Variants in CACNA1C observed in about 807,000 individuals in gnomAD.
CACNA1C encodes the protein calcium voltage-gated channel subunit alpha1 C.
A neutral mutation model predicts 229.0 loss-of-function variants in CACNA1C; 30 were observed. The observed-to-expected ratio is 0.13, with a 90% confidence interval of 0.10 to 0.18. The LOEUF (loss-of-function observed/expected upper bound fraction) is 0.18, where lower values mean the gene tolerates loss of function less well. Ranked by LOEUF, CACNA1C falls within the 10% of genes least tolerant of loss-of-function variation. The pLI is 1.00. For missense variants in CACNA1C, 1,658 were observed against 2,845.0 expected (o/e 0.58, Z 9.49); for synonymous variants, 1,114 against 1,132.5 (o/e 0.98, Z 0.33).
In CACNA1C at chr12:2,463,687, G is replaced by A. The variant is rs566564651; in HGVS notation, c.757+5981G>A. Among the ~76,000 whole-genome samples the A allele has an allele frequency of 5.3e-5, 8 of 152,286 alleles. No individual in the cohort carries two copies. In the South Asian group the frequency reaches 1.7e-3, roughly 32 times the overall value. ...ACACAAAGGAAGGAGAGTGGCCGTG[G>A]CCCTGGAGATGCACACTGTGAGGCT... On this transcript the variant is annotated intron_variant, in intron 5 of 46. Coordinates refer to ENST00000399655, the MANE Select transcript of CACNA1C (RefSeq NM_000719.7).
At chr12:2,273,189 C>T (rs2085918306) in intron 3 of CACNA1C, among the ~76,000 whole-genome samples, 1 of 152,142 alleles carries the variant, frequency 6.6e-6, no homozygotes, top group Admixed American at 6.5e-5. Context: ...CTATGCACAT[C>T]CTCTTGTGTA....
intron 9 of CACNA1C, among the ~76,000 whole-genome samples, chr12:2,544,321 A>G (rs561959523): frequency 2.0e-5 from 3 of 152,354 alleles, no homozygotes; most frequent in Non-Finnish European, 4.4e-5. Context: ...TCCATTGACT[A>G]TAATCTGTGT....
At chr12:2,489,019 C>G (rs1450624571) in intron 6 of CACNA1C, among the ~76,000 whole-genome samples, 2 of 152,168 alleles carry the variant, frequency 1.3e-5, no homozygotes, top group African/African-American at 4.8e-5. Flanking sequence ...GAGTAGAAGA[C>G]CAAATACTTG....
intron 1 of CACNA1C, among the ~76,000 whole-genome samples, chr12:2,039,817 T>A (rs1352951852): frequency 6.6e-6 from 1 of 151,840 alleles, no homozygotes. Flanking sequence ...CATTGGGCCA[T>A]AGGGGTGAGC....
In CACNA1C at chr12:2,479,616, C is replaced by T. The variant is rs2099659225; in HGVS notation, c.758-6488C>T. 6.6e-6 allele frequency among the ~76,000 whole-genome samples: 1 copy of T among 152,220 alleles called. No homozygotes were observed. Among genetic ancestry groups the T allele is most frequent in the East Asian group, 1.9e-4 (1 of 5,202 alleles). On this transcript the variant is annotated intron_variant, in intron 5 of 46. Coordinates refer to ENST00000399655, the MANE Select transcript of CACNA1C (RefSeq NM_000719.7). The surrounding 1 kb of genome is among the most constrained non-coding windows in gnomAD (Gnocchi z 4.3). ...GATTAAGCAGTATGGCTTTCTCTTCCATTCTGCAAGGACAGCCAGTTCAAG... is the reference window on the plus strand; with the variant it reads ...GATTAAGCAGTATGGCTTTCTCTTCTATTCTGCAAGGACAGCCAGTTCAAG...
intron 1 of CACNA1C, among the ~76,000 whole-genome samples, chr12:2,077,610 G>A (rs1418768128): frequency 6.6e-6 from 1 of 152,170 alleles, no homozygotes; most frequent in Admixed American, 6.5e-5. Flanking sequence ...AATAGCTAAT[G>A]CCATGGCAGC....
chr12:2,193,718 C>G (rs1397788806), intron 3 of CACNA1C, among the ~76,000 whole-genome samples: 1 of 152,246 alleles, frequency 6.6e-6, no homozygotes, highest in Non-Finnish European at 1.5e-5. Flanking sequence ...CTTGACAGGT[C>G]TGTCTGGCCT....
At chr12:2,461,853 G>A (rs1001519371) in intron 5 of CACNA1C, among the ~76,000 whole-genome samples, 5 of 152,208 alleles carry the variant, frequency 3.3e-5, no homozygotes, top group Non-Finnish European at 5.9e-5. Flanking sequence ...CCTCGCCTCC[G>A]TCCTGGATGA....
chr12:2,373,088 T>C (rs2097914832), intron 3 of CACNA1C, among the ~76,000 whole-genome samples: 1 of 152,226 alleles, frequency 6.6e-6, no homozygotes, highest in African/African-American at 2.4e-5. Context: ...ACTGGATCGT[T>C]ACTGACAGGA....
intron 1 of CACNA1C, chr12:2,020,272 T>C (rs2046206335): frequency 6.6e-6 from 1 of 152,144 alleles, no homozygotes; most frequent in Admixed American, 6.5e-5. Context: ...CTCTATAAAG[T>C]GGGTGCTAAT....
intron 9 of CACNA1C, among the ~76,000 whole-genome samples, chr12:2,537,076 G>A (rs537556146): frequency 7.9e-5 from 12 of 152,294 alleles, no homozygotes; most frequent in Non-Finnish European, 1.5e-4. Context: ...CCGGCAGGGA[G>A]GCCCTGGGCA....
rs531459019 is a variant in CACNA1C at position 2,645,821 on chromosome 12, G to A, written c.3913-2654G>A. Reference sequence around the variant, plus strand: ...GGTGTGAGCGGTGGTAGAGGCAACAGTGTCCTAGCTACTCAAAAATGCCCT... The same window carrying A: ...GGTGTGAGCGGTGGTAGAGGCAACAATGTCCTAGCTACTCAAAAATGCCCT... On this transcript the variant is annotated intron_variant, in intron 30 of 46. Transcript: ENST00000399655. Among the ~76,000 whole-genome samples, 165 of 152,298 alleles carry A rather than the reference G, an allele frequency of 1.1e-3. 2 individuals are homozygous for A. The highest frequency in any genetic ancestry group is 3.5e-3 in the African/African-American group (145 of 41,562).
At chr12:2,158,720 A>G (rs1048458038) in intron 3 of CACNA1C, among the ~76,000 whole-genome samples, 3 of 152,192 alleles carry the variant, frequency 2.0e-5, no homozygotes, top group Non-Finnish European at 4.4e-5. Flanking sequence ...AAAGAGAAAC[A>G]TTTTCAGATA....
intron 3 of CACNA1C, among the ~76,000 whole-genome samples, chr12:2,173,124 G>A (rs1443614883): frequency 6.6e-6 from 1 of 152,170 alleles, no homozygotes; most frequent in Non-Finnish European, 1.5e-5. Context: ...TCCGTGTTTG[G>A]CCCTAACCCA....
At chr12:2,269,275 G>A (rs1224101988) in intron 3 of CACNA1C, among the ~76,000 whole-genome samples, 2 of 152,162 alleles carry the variant, frequency 1.3e-5, no homozygotes, top group Admixed American at 1.3e-4. Context: ...TTATAGACCG[G>A]CTGAAAGAAA....
intron 9 of CACNA1C, among the ~76,000 whole-genome samples, chr12:2,528,541 CA>C (rs1437711598): frequency 6.6e-6 from 1 of 152,240 alleles, no homozygotes; most frequent in Non-Finnish European, 1.5e-5. Context: ...AGCCCAGCCC[CA>C]CCATCTGCCT....
chr12:2,585,951 G>T lies in CACNA1C; in HGVS notation c.2530+47G>T. 7.8e-7 allele frequency: 1 copy of T among 1,274,640 alleles called. No homozygotes were observed. The highest frequency in any genetic ancestry group is 1.1e-6 in the Non-Finnish European group (1 of 911,282). The allele number at this position is 1,274,640 out of a possible 1,614,324, so 79.0% of individuals were successfully genotyped here. ...CTGGGATTGGGAGATTGGGGGCAGAGATCTAAATTCTAAAGCCACGTGGGA... is the reference window on the plus strand; with the variant it reads ...CTGGGATTGGGAGATTGGGGGCAGATATCTAAATTCTAAAGCCACGTGGGA... On this transcript the variant is annotated intron_variant, in intron 18 of 46. Transcript: ENST00000399655. This position sits in a 1 kb window ranked among gnomAD's most constrained non-coding sequence, Gnocchi z 4.1.
intron 3 of CACNA1C, among the ~76,000 whole-genome samples, chr12:2,438,248 A>G (rs1405371206): frequency 2.4e-5 from 3 of 125,830 alleles, no homozygotes; most frequent in Non-Finnish European, 5.0e-5. Context: ...GATGGTGATG[A>G]TAATGATGGT....
chr12:2,621,713 G>A (rs753029755), intron 29 of CACNA1C, among the ~76,000 whole-genome samples: 3 of 152,176 alleles, frequency 2.0e-5, no homozygotes, highest in Non-Finnish European at 4.4e-5. Context: ...CGAATTGGAT[G>A]TGAGGGTGAG....
Sources: allele counts gnomAD v4.1 joint callset (sites outside exome capture counted in the v4.1 genomes callset), GRCh38; gene constraint gnomAD v4.1.1; non-coding constraint Gnocchi (gnomAD v3.1); transcripts MANE v1.5; gene names NCBI Gene and HGNC (gene_info 2026-07-23, HGNC 2026-07-21).